The following ROBO2 variants were observed in gnomAD, a reference collection of about 807,000 sequenced individuals.
The protein encoded by ROBO2 is roundabout homolog 2.
Under a neutral mutation model 160.8 loss-of-function variants are expected in ROBO2, and 53 were observed. The observed-to-expected ratio is 0.33, with a 90% CI of 0.26 to 0.41. The LOEUF is 0.41. ROBO2 is among the 10% of genes least tolerant of loss of function. The pLI is 1.00. For synonymous variants in ROBO2, 664 were observed against 611.7 expected (o/e 1.09, Z -1.26); for missense variants, 1,577 against 1,722.4 (o/e 0.92, Z 1.49).
At chr3:77,013,191 T>C (rs1012075099) in intron 2 of ROBO2, among the ~76,000 whole-genome samples, 1 of 152,170 alleles carries the variant, frequency 6.6e-6, no homozygotes, top group African/African-American at 2.4e-5. Context: ...CTTAATCTAA[T>C]AAGAATTGAA....
At chr3:76,434,085 A>G (rs1001429680) in intron 2 of ROBO2, 50 of 1,295,286 alleles carry the variant, frequency 3.9e-5, no homozygotes, top group Middle Eastern at 5.2e-4. Flanking sequence ...GCAGTATCCC[A>G]TACCTCTGAC....
intron 2 of ROBO2, among the ~76,000 whole-genome samples, chr3:76,109,640 G>A (rs1455672920): frequency 1.3e-5 from 2 of 151,908 alleles, no homozygotes; most frequent in Non-Finnish European, 2.9e-5. Flanking sequence ...TGTTTCTCTT[G>A]AGATTGCAGT....
At chr3:76,681,633 A>G (rs2092563946) in intron 2 of ROBO2, among the ~76,000 whole-genome samples, 2 of 152,320 alleles carry the variant, frequency 1.3e-5, no homozygotes, top group South Asian at 4.1e-4. Flanking sequence ...GTGGAACAGC[A>G]TCCAGGAGAG....
intron 2 of ROBO2, among the ~76,000 whole-genome samples, chr3:76,111,249 G>A (rs2070215704): frequency 6.6e-6 from 1 of 152,016 alleles, no homozygotes. Context: ...TGAGAACAGA[G>A]GCAGAGATTA....
At chr3:76,069,582 C>G (rs1267450213) in intron 2 of ROBO2, among the ~76,000 whole-genome samples, 1 of 149,696 alleles carries the variant, frequency 6.7e-6, no homozygotes, top group Non-Finnish European at 1.5e-5. Context: ...TCTTAAATAA[C>G]TGACTTAGAA....
At chr3:77,257,844 T>A (rs1287248490) in intron 2 of ROBO2, among the ~76,000 whole-genome samples, 1 of 152,198 alleles carries the variant, frequency 6.6e-6, no homozygotes. Context: ...CAATACATAC[T>A]GAGAAAAAAT....
At chr3:76,758,056 G>T (rs1266890380) in intron 2 of ROBO2, among the ~76,000 whole-genome samples, 1 of 151,670 alleles carries the variant, frequency 6.6e-6, no homozygotes, top group African/African-American at 2.4e-5. Flanking sequence ...AAAATCAAAA[G>T]ATATACTCTA....
intron 2 of ROBO2, among the ~76,000 whole-genome samples, chr3:76,006,002 A>G (rs1216465684): frequency 2.6e-5 from 4 of 152,198 alleles, no homozygotes; most frequent in Non-Finnish European, 2.9e-5. Context: ...ACAAAAATAC[A>G]TATGTGACCA....
intron 21 of ROBO2, among the ~76,000 whole-genome samples, chr3:77,609,761 G>T (rs1182678762): frequency 1.4e-5 from 2 of 145,450 alleles, no homozygotes; most frequent in African/African-American, 5.1e-5. Context: ...ACACAAAATT[G>T]TTTCTACATA....
intron 2 of ROBO2, among the ~76,000 whole-genome samples, chr3:76,022,219 A>T (rs1454103894): frequency 6.6e-6 from 1 of 151,736 alleles, no homozygotes; most frequent in African/African-American, 2.4e-5. Context: ...TGCTGTTTCC[A>T]CCACATCTGC....
At position 77,649,687 on chromosome 3, in the gene ROBO2, T is replaced by A. The variant is rs185724420; in HGVS notation, c.*3632T>A. The A allele has an allele frequency of 4.6e-5, 7 of 152,336 alleles. No individual in the cohort carries two copies. The East Asian group carries it at 9.6e-4, about 21-fold the overall frequency. The allele number at this position is 152,336 out of a possible 1,614,324, so 9.4% of individuals were successfully genotyped here. ...AAGATGTTCAATTTACTAATTTTTT[T>A]AAATCTCATAATTTAAAAAGCATTT... On this transcript the variant is annotated 3_prime_UTR_variant, in exon 26 of 26. Transcript: ENST00000461745.
At chr3:76,859,620 G>A (rs1054213664) in intron 2 of ROBO2, among the ~76,000 whole-genome samples, 4 of 152,118 alleles carry the variant, frequency 2.6e-5, no homozygotes, top group Non-Finnish European at 2.9e-5. Flanking sequence ...CCCCACCATC[G>A]GGGACCCTGA....
At chr3:77,003,460 C>T (rs1475574878) in intron 2 of ROBO2, among the ~76,000 whole-genome samples, 1 of 152,098 alleles carries the variant, frequency 6.6e-6, no homozygotes, top group East Asian at 1.9e-4. Context: ...TTATAATCAC[C>T]ATTAGTCTTT....
chr3:77,592,847 C>T (rs986569945), intron 17 of ROBO2, among the ~76,000 whole-genome samples: 2 of 152,064 alleles, frequency 1.3e-5, no homozygotes, highest in Admixed American at 6.5e-5. Flanking sequence ...CCACCATGCC[C>T]GGCCTCATGA....
intron 2 of ROBO2, among the ~76,000 whole-genome samples, chr3:77,453,705 T>C (rs892439803): frequency 2.0e-5 from 3 of 152,166 alleles, no homozygotes; most frequent in African/African-American, 7.2e-5. Context: ...TGTTTAGTCC[T>C]AGTTTTTGTT....
At chr3:76,927,423 C>G (rs1405506208) in intron 2 of ROBO2, among the ~76,000 whole-genome samples, 1 of 152,126 alleles carries the variant, frequency 6.6e-6, no homozygotes, top group Admixed American at 6.5e-5. Context: ...TCCAATTTTT[C>G]ACTATTCCAA....
chr3:75,983,636 A>G (rs2065338721), intron 2 of ROBO2, among the ~76,000 whole-genome samples: 1 of 151,292 alleles, frequency 6.6e-6, no homozygotes, highest in Non-Finnish European at 1.5e-5. Flanking sequence ...TAATAATTGA[A>G]TATTGGTTGT....
At chr3:77,435,104 G>T (rs1045190556) in intron 2 of ROBO2, among the ~76,000 whole-genome samples, 1 of 151,852 alleles carries the variant, frequency 6.6e-6, no homozygotes, top group African/African-American at 2.4e-5. Flanking sequence ...AAAAAAGAAG[G>T]CATTAAAGAC....
intron 2 of ROBO2, among the ~76,000 whole-genome samples, chr3:76,520,438 C>T (rs953656306): frequency 3.3e-5 from 5 of 151,868 alleles, no homozygotes; most frequent in Non-Finnish European, 5.9e-5. Flanking sequence ...GTGACAGACC[C>T]AGACTCCATC....
Sources: gnomAD v4.1 joint callset for allele counts (sites outside exome capture counted in the v4.1 genomes callset) on GRCh38, gnomAD v4.1.1 for gene constraint, MANE v1.5 for transcripts, NCBI Gene and HGNC (gene_info 2026-07-23, HGNC 2026-07-21) for gene names.